The following CBX1 variants were observed in gnomAD, a reference collection of about 807,000 sequenced individuals.
CBX1 encodes the protein chromobox protein homolog 1.
CBX1 carries 10 observed loss-of-function variants against 25.1 expected under a neutral mutation model. The observed-to-expected ratio is 0.40, with a 90% CI of 0.25 to 0.68. The LOEUF (loss-of-function observed/expected upper bound fraction) is 0.68, where lower values mean the gene tolerates loss of function less well. CBX1 is among the 30% of genes least tolerant of loss of function. The pLI is 0.40. For synonymous variants in CBX1, 63 were observed against 79.4 expected (o/e 0.79, Z 1.10); for missense variants, 106 against 218.5 (o/e 0.49, Z 3.25).
At chr17:48,072,476 A>C (rs547634306) in intron 4 of CBX1, among the ~76,000 whole-genome samples, 3 of 152,026 alleles carry the variant, frequency 2.0e-5, no homozygotes, top group African/African-American at 7.2e-5. Flanking sequence ...AGGGAGCTGT[A>C]GTTTTCTGAA....
At chr17:48,091,407 CTT>C (rs1309208936) in intron 1 of CBX1, among the ~76,000 whole-genome samples, 5 of 151,200 alleles carry the variant, frequency 3.3e-5, no homozygotes, top group African/African-American at 1.2e-4. Context: ...GAATTTTACT[CTT>C]GTTGCCCAGG....
chr17:48,093,639 C>T (rs1280808480), intron 1 of CBX1, among the ~76,000 whole-genome samples: 1 of 152,200 alleles, frequency 6.6e-6, no homozygotes, highest in African/African-American at 2.4e-5. Flanking sequence ...ACAAGGTTTC[C>T]TCCCATTTAA....
intron 1 of CBX1, among the ~76,000 whole-genome samples, chr17:48,090,459 A>G (rs2063338501): frequency 6.6e-6 from 1 of 152,146 alleles, no homozygotes. Context: ...CCAGTCTCTC[A>G]CTAAATCCTG....
At chr17:48,092,462 CTCTCTCTT>C (rs992174922) in intron 1 of CBX1, among the ~76,000 whole-genome samples, 9 of 150,108 alleles carry the variant, frequency 6.0e-5, no homozygotes, top group African/African-American at 1.2e-4. Flanking sequence ...ATCTCTCTCT[CTCTCTCTT>C]TTTTTTTTTG....
intron 1 of CBX1, among the ~76,000 whole-genome samples, chr17:48,086,861 CAAA>C (rs201109974): frequency 6.6e-6 from 1 of 150,608 alleles, no homozygotes; most frequent in African/African-American, 2.4e-5. Flanking sequence ...GACTTCGTCT[CAAA>C]AAAAAGAAAA....
chr17:48,074,968 GAAA>G (rs753983784), intron 4 of CBX1, 35 bp downstream of exon 4: 1 of 1,420,270 alleles, frequency 7.0e-7, no homozygotes, highest in Non-Finnish European at 9.9e-7. Context: ...AATGGGAGAA[GAAA>G]AAAAACAACC....
Position 48,101,408 on chromosome 17 carries a change from C to G in CBX1, c.-178G>C. The G allele has an allele frequency of 1.0e-6, 1 of 985,526 alleles. No individual in the cohort carries two copies. Among genetic ancestry groups the G allele is most frequent in the Non-Finnish European group, 1.2e-6 (1 of 829,982 alleles). 61.0% of individuals were successfully genotyped at this position (985,526 alleles called of 1,614,324 possible). On this transcript the variant is annotated 5_prime_UTR_variant, in exon 1 of 5. Transcript: ENST00000225603. ...CGTCCCTCACTGAAGCGGCGTACCG[C>G]AGGCCCCGGCCAACGGCCCTCCCCT...
intron 1 of CBX1, among the ~76,000 whole-genome samples, chr17:48,081,833 T>A (rs1048548866): frequency 6.6e-6 from 1 of 152,236 alleles, no homozygotes; most frequent in African/African-American, 2.4e-5. Flanking sequence ...CTTTCTTTAC[T>A]GGCTCATCCC....
intron 1 of CBX1, among the ~76,000 whole-genome samples, chr17:48,077,581 C>T (rs12946143): frequency 0.11 from 16,932 of 151,700 alleles, 1,019 homozygotes; most frequent in East Asian, 0.19. Flanking sequence ...TGAGCCACCA[C>T]GCCTGGCCTT....
intron 1 of CBX1, among the ~76,000 whole-genome samples, chr17:48,077,523 C>G (rs535659708): frequency 1.3e-4 from 19 of 149,774 alleles, no homozygotes; most frequent in Non-Finnish European, 1.9e-4. Context: ...CTCCTGACCT[C>G]AGGTGATCCA....
At chr17:48,072,628 C>A (rs2037635779) in intron 4 of CBX1, among the ~76,000 whole-genome samples, 1 of 151,828 alleles carries the variant, frequency 6.6e-6, no homozygotes, top group African/African-American at 2.4e-5. Context: ...ACTAAAAATA[C>A]AAAAATTAGC....
chr17:48,076,959 C>G lies in CBX1; in HGVS notation c.46G>C (p.Glu16Gln). ...TCCACCACATATTCCTCTTCCTCCT[C>G]TTCTAGCACCTCCTCCACTTTCTTC... ...NKKKVEEVLE[E>Q]EEEEYVVEKV... The change falls in exon 2 of 5, where the codon GAG (glutamate) becomes CAG (glutamine). Residue 16 changes from glutamate to glutamine, a missense_variant. Around this residue, in one of 4 missense-constraint regions of CBX1, gnomAD observed 19 missense variants for 17.3 expected, o/e 1.10. Transcript: ENST00000225603. The G allele has an allele frequency of 6.2e-7, 1 of 1,613,880 alleles. No homozygotes were observed. Among genetic ancestry groups the G allele is most frequent in the Non-Finnish European group, 8.5e-7 (1 of 1,179,886 alleles).
intron 2 of CBX1, 88 bp from the exon 3 acceptor site, chr17:48,076,266 T>A: frequency 9.4e-7 from 1 of 1,064,978 alleles, no homozygotes; most frequent in East Asian, 2.7e-5. Flanking sequence ...AGACCTCAGA[T>A]GTCTATGGAA....
In CBX1 at chr17:48,101,207, C is replaced by CCCGCCG. The variant is rs904648013; in HGVS notation, c.-38+55_-38+60dup. The CCCGCCG allele has an allele frequency of 5.4e-5, 53 of 989,132 alleles. No individual in the cohort carries two copies. The Admixed American group carries it at 5.5e-4, about 10-fold the overall frequency. 61.3% of individuals were successfully genotyped at this position (989,132 alleles called of 1,614,324 possible). A position where few individuals can be genotyped will look rare whatever the true frequency, so the allele number is the denominator to read the frequency against. On this transcript the variant is annotated intron_variant, in intron 1 of 4. Transcript: ENST00000225603. ...AAAGCGCGTTCCCTCACGCAGGGCTCCCGCCGCCGCCGCCGCCGCGCCCCC... is the reference window on the plus strand; with the variant it reads ...AAAGCGCGTTCCCTCACGCAGGGCTCCCGCCGCCGCCGCCGCCGCCGCCGCGCCCCC...
chr17:48,100,514 C>G (rs540461364), intron 1 of CBX1: 1 of 155,710 alleles, frequency 6.4e-6, no homozygotes, highest in South Asian at 2.0e-4. Context: ...AAAGCGTATT[C>G]CATCCTTTCT....
chr17:48,079,302 C>T (rs747661088), intron 1 of CBX1, among the ~76,000 whole-genome samples: 7 of 147,426 alleles, frequency 4.7e-5, no homozygotes, highest in Non-Finnish European at 9.0e-5. Flanking sequence ...GACAGGGATT[C>T]GCCATGTTGG....
At chr17:48,086,618 G>A (rs529098082) in intron 1 of CBX1, among the ~76,000 whole-genome samples, 7 of 152,320 alleles carry the variant, frequency 4.6e-5, no homozygotes, top group Admixed American at 1.3e-4. Flanking sequence ...CACTTTGGGA[G>A]GCTGAGGCAG....
chr17:48,082,419 G>A (rs2037747551), intron 1 of CBX1, among the ~76,000 whole-genome samples: 1 of 142,796 alleles, frequency 7.0e-6, no homozygotes, highest in African/African-American at 2.6e-5. Flanking sequence ...GGAGAATGGC[G>A]TGAACTCGGG....
chr17:48,077,893 C>T (rs2037693222), intron 1 of CBX1, among the ~76,000 whole-genome samples: 1 of 152,086 alleles, frequency 6.6e-6, no homozygotes, highest in East Asian at 1.9e-4. Context: ...GTGGCTCACA[C>T]CTATAATTCT....
Sources: gnomAD v4.1 joint callset for allele counts (sites outside exome capture counted in the v4.1 genomes callset) on GRCh38, gnomAD v4.1.1 for gene constraint, gnomAD v4.1.1 regional missense constraint, MANE v1.5 for transcripts, NCBI Gene and HGNC (gene_info 2026-07-23, HGNC 2026-07-21) for gene names.